PCDH15: variants seen among roughly 807,000 people sequenced by gnomAD.
PCDH15 encodes protocadherin-15.
In PCDH15, 129 loss-of-function variants were observed where a neutral mutation model predicts 178.5. That is an observed-to-expected ratio of 0.72 (90% CI 0.63 to 0.84). PCDH15 has a LOEUF of 0.84. Ranked by LOEUF, PCDH15 falls within the 40% of genes least tolerant of loss-of-function variation. The pLI is 0.00. For missense variants in PCDH15, 2,230 were observed against 2,099.9 expected (o/e 1.06, Z -1.21); for synonymous variants, 800 against 732.0 (o/e 1.09, Z -1.50).
At chr10:55,172,497 A>T (rs1839363594) in intron 1 of PCDH15, among the ~76,000 whole-genome samples, 1 of 151,986 alleles carries the variant, frequency 6.6e-6, no homozygotes, top group African/African-American at 2.4e-5. Context: ...TATTTTGCAT[A>T]ACAAGATGTG....
chr10:54,066,665 A>G (rs2094141858), intron 18 of PCDH15, 92 bp downstream of exon 18: 14 of 1,287,242 alleles, frequency 1.1e-5, no homozygotes, highest in Non-Finnish European at 1.6e-5. Context: ...TTAACAGATT[A>G]CATTAGCTGA....
intron 18 of PCDH15, among the ~76,000 whole-genome samples, chr10:54,042,874 G>A (rs902794859): frequency 2.0e-5 from 3 of 152,060 alleles, no homozygotes; most frequent in African/African-American, 4.8e-5. Flanking sequence ...ATAATCTAGG[G>A]GAAAAATGAT....
At chr10:55,229,299 TCC>T (rs1440292709) in intron 1 of PCDH15, among the ~76,000 whole-genome samples, 2 of 151,602 alleles carry the variant, frequency 1.3e-5, no homozygotes, top group African/African-American at 4.8e-5. Flanking sequence ...ATGATATATA[TCC>T]CCTAAAAGGA....
intron 2 of PCDH15, among the ~76,000 whole-genome samples, chr10:55,071,964 C>A (rs1434407265): frequency 4.6e-5 from 7 of 152,122 alleles, no homozygotes; most frequent in African/African-American, 1.7e-4. Flanking sequence ...CGCTCAACTA[C>A]ATGGAAACTG....
rs531157961 is a variant in PCDH15 at position 54,952,638 on chromosome 10, T to C, written c.-79-55138A>G. 2.0e-5 allele frequency among the ~76,000 whole-genome samples: 3 copies of C among 151,892 alleles called. No individual in the cohort carries two copies. In the South Asian group the frequency reaches 6.2e-4, roughly 31 times the overall value. On this transcript the variant is annotated intron_variant, in intron 2 of 5. Coordinates refer to the PCDH15 transcript ENST00000458638. ...CTTTCATCAATATACATAGAATATCTTTCCGTTTATTTAGATATATCTGAT... is the reference window on the plus strand; with the variant it reads ...CTTTCATCAATATACATAGAATATCCTTCCGTTTATTTAGATATATCTGAT...
At chr10:55,235,872 A>T (rs1431610993) in intron 1 of PCDH15, among the ~76,000 whole-genome samples, 2 of 140,406 alleles carry the variant, frequency 1.4e-5, no homozygotes, top group Non-Finnish European at 3.0e-5. Context: ...GCGCCACTGC[A>T]CTCCAGCCTG....
At chr10:54,522,024 C>G (rs1438571477) in intron 3 of PCDH15, among the ~76,000 whole-genome samples, 2 of 136,154 alleles carry the variant, frequency 1.5e-5, no homozygotes, top group Non-Finnish European at 3.0e-5. Flanking sequence ...GGAGGCTGAG[C>G]TTGCAGTGAG....
rs202186706 is a variant in PCDH15, at chr10:55,215,463, C to A, written c.-155-48812G>T. ...TCACAATTCTACATAAATTATTTTACAATCCCTTATTGTGATTACATTCTT... is the reference window on the plus strand; with the variant it reads ...TCACAATTCTACATAAATTATTTTAAAATCCCTTATTGTGATTACATTCTT... On this transcript the variant is annotated intron_variant, in intron 1 of 5. Transcript: ENST00000458638. Among the ~76,000 whole-genome samples, 37 of 152,184 alleles carry A rather than the reference C, an allele frequency of 2.4e-4. 2 individuals are homozygous for A. The East Asian group carries it at 6.8e-3, about 28-fold the overall frequency.
At chr10:54,348,104 T>G (rs1943604139) in intron 5 of PCDH15, among the ~76,000 whole-genome samples, 1 of 152,088 alleles carries the variant, frequency 6.6e-6, no homozygotes, top group Non-Finnish European at 1.5e-5. Flanking sequence ...CACCTCAGCC[T>G]CCCAAAGTGC....
chr10:53,823,792 C>T (rs1403603038), intron 32 of PCDH15: 1 of 456,728 alleles, frequency 2.2e-6, no homozygotes, highest in Non-Finnish European at 4.4e-6. Flanking sequence ...GTATCTGATT[C>T]AGTACTTCTG....
At chr10:53,822,361 G>A in intron 32 of PCDH15, 1 of 1,579,276 alleles carries the variant, frequency 6.3e-7, no homozygotes, top group Non-Finnish European at 8.6e-7. Context: ...GGAGGAAGAG[G>A]AAGAGGGATA....
intron 6 of PCDH15, among the ~76,000 whole-genome samples, chr10:54,345,801 C>CAAAAAAAAAAAAAA (rs540507383): frequency 3.8e-5 from 2 of 52,434 alleles, no homozygotes; most frequent in Non-Finnish European, 6.4e-5. Flanking sequence ...GACTCCGTCT[C>CAAAAAAAAAAAAAA]AAAAAAAAAA....
At chr10:54,404,896 T>C (rs1183265531) in intron 3 of PCDH15, among the ~76,000 whole-genome samples, 1 of 151,620 alleles carries the variant, frequency 6.6e-6, no homozygotes, top group Non-Finnish European at 1.5e-5. Context: ...TGGAAAAAAA[T>C]CTCAACATCC....
At chr10:54,865,491 G>C (rs1348133301) in intron 3 of PCDH15, among the ~76,000 whole-genome samples, 2 of 152,110 alleles carry the variant, frequency 1.3e-5, no homozygotes, top group Admixed American at 1.3e-4. Context: ...ATGGCCTATT[G>C]TGAGACTTTG....
chr10:53,855,899 G>GATGTGTATATATATATATATAT (rs1554832729), intron 28 of PCDH15, among the ~76,000 whole-genome samples: 17 of 77,840 alleles, frequency 2.2e-4, no homozygotes, highest in African/African-American at 1.0e-3. Flanking sequence ...AAAAAAAGGT[G>GATGTGTATATATATATATATAT]ATATGTATAT....
intron 3 of PCDH15, among the ~76,000 whole-genome samples, chr10:54,523,226 T>C (rs890949373): frequency 3.9e-5 from 6 of 152,314 alleles, no homozygotes; most frequent in African/African-American, 1.4e-4. Context: ...TTGACATCAA[T>C]GGCAAGTTGC....
At chr10:55,582,628 A>ATATTTTTTTTTT (rs780312007) in intron 2 of PCDH15, among the ~76,000 whole-genome samples, 6 of 69,020 alleles carry the variant, frequency 8.7e-5, no homozygotes, top group Admixed American at 4.1e-4. Context: ...ATATATATAT[A>ATATTTTTTTTTT]TTTTTTTTTT....
intron 5 of PCDH15, among the ~76,000 whole-genome samples, chr10:54,367,669 G>T (rs1246965813): frequency 6.6e-6 from 1 of 151,806 alleles, no homozygotes; most frequent in East Asian, 1.9e-4. Context: ...GAGTGAGGGG[G>T]TAGGAGAGGG....
At chr10:54,685,593 G>A (rs974397224) in intron 1 of PCDH15, among the ~76,000 whole-genome samples, 11 of 152,128 alleles carry the variant, frequency 7.2e-5, no homozygotes, top group African/African-American at 2.7e-4. Context: ...ATTATGCAGA[G>A]CATGACCATA....
Sources: allele counts gnomAD v4.1 joint callset (sites outside exome capture counted in the v4.1 genomes callset), GRCh38; gene constraint gnomAD v4.1.1; transcripts MANE v1.5; gene names NCBI Gene and HGNC (gene_info 2026-07-23, HGNC 2026-07-21).